The following PCBP3 variants were observed in gnomAD, a reference collection of about 807,000 sequenced individuals.
PCBP3 encodes the protein poly(rC) binding protein 3.
In PCBP3, 25 loss-of-function variants were observed where a neutral mutation model predicts 52.7. That is an observed-to-expected ratio of 0.47 (90% CI 0.35 to 0.66). The LOEUF (loss-of-function observed/expected upper bound fraction) is 0.66, where lower values mean the gene tolerates loss of function less well. Ranked by LOEUF, PCBP3 falls within the 30% of genes least tolerant of loss-of-function variation. PCBP3 has a pLI of 0.01. For missense variants in PCBP3, 391 were observed against 490.3 expected (o/e 0.80, Z 1.91); for synonymous variants, 162 against 183.0 (o/e 0.89, Z 0.93).
intron 16 of PCBP3, 118 bp downstream of exon 16, chr21:45,935,423 C>A: frequency 1.4e-6 from 1 of 738,762 alleles, no homozygotes; most frequent in South Asian, 1.5e-5. Flanking sequence ...TTCACCACCC[C>A]AACCCCACTG....
At chr21:45,792,074 A>T (rs2091625413) in intron 4 of PCBP3, among the ~76,000 whole-genome samples, 1 of 152,280 alleles carries the variant, frequency 6.6e-6, no homozygotes, top group South Asian at 2.1e-4. Flanking sequence ...CACCTGGCCC[A>T]GGCCACTGCA....
chr21:45,725,348 G>A (rs545551795), intron 2 of PCBP3, among the ~76,000 whole-genome samples: 1 of 152,192 alleles, frequency 6.6e-6, no homozygotes, highest in African/African-American at 2.4e-5. Flanking sequence ...GTAGGTACAG[G>A]GTTTTCCCTT....
At chr21:45,738,294 G>A (rs1226805187) in intron 3 of PCBP3, among the ~76,000 whole-genome samples, 1 of 140,598 alleles carries the variant, frequency 7.1e-6, no homozygotes, top group African/African-American at 2.7e-5. Flanking sequence ...TAGCTCTGTC[G>A]CCCAGGCTGG....
chr21:45,690,528 A>C (rs1331022325), intron 2 of PCBP3, among the ~76,000 whole-genome samples: 1 of 152,190 alleles, frequency 6.6e-6, no homozygotes, highest in Non-Finnish European at 1.5e-5. Context: ...CATTTACAAA[A>C]TGAAAAGGCA....
At chr21:45,777,962 G>A (rs1352779214) in intron 4 of PCBP3, among the ~76,000 whole-genome samples, 7 of 145,074 alleles carry the variant, frequency 4.8e-5, no homozygotes, top group African/African-American at 1.7e-4. Context: ...TGTTCCTTTG[G>A]GGAGGGCCTT....
chr21:45,658,702 T>C (rs556450584), intron 1 of PCBP3, among the ~76,000 whole-genome samples: 1 of 152,326 alleles, frequency 6.6e-6, no homozygotes, highest in East Asian at 1.9e-4. Flanking sequence ...ATACTGGCCT[T>C]ATAGAATGAG....
intron 2 of PCBP3, among the ~76,000 whole-genome samples, chr21:45,722,724 G>A (rs971033892): frequency 6.6e-5 from 10 of 152,090 alleles, no homozygotes; most frequent in Middle Eastern, 3.4e-3. Context: ...AAATGTAGCC[G>A]GGCACAGTGG....
chr21:45,923,063 ACT>A (rs1781371220), intron 13 of PCBP3, among the ~76,000 whole-genome samples: 1 of 152,052 alleles, frequency 6.6e-6, no homozygotes, highest in Non-Finnish European at 1.5e-5. Flanking sequence ...AATCCCCGGG[ACT>A]CTGTCGGTGC....
chr21:45,684,977 C>CA (rs968946890), intron 2 of PCBP3, among the ~76,000 whole-genome samples: 80 of 152,302 alleles, frequency 5.3e-4, no homozygotes, highest in African/African-American at 1.7e-3. Flanking sequence ...TGCCCCCTGC[C>CA]ACTCTGCTAC....
At chr21:45,773,069 C>G (rs1458930026) in intron 4 of PCBP3, among the ~76,000 whole-genome samples, 2 of 152,082 alleles carry the variant, frequency 1.3e-5, no homozygotes, top group Non-Finnish European at 2.9e-5. Flanking sequence ...TGTGCAGAAG[C>G]TTTTTAATTT....
At chr21:45,860,608 G>A (rs1418255977) in intron 5 of PCBP3, among the ~76,000 whole-genome samples, 2 of 152,200 alleles carry the variant, frequency 1.3e-5, no homozygotes, top group African/African-American at 4.8e-5. Flanking sequence ...AAAACCCATC[G>A]CCCTGGAGGG....
At chr21:45,803,439 C>T (rs1374517535) in intron 4 of PCBP3, among the ~76,000 whole-genome samples, 1 of 152,136 alleles carries the variant, frequency 6.6e-6, no homozygotes, top group South Asian at 2.1e-4. Context: ...GAAAGGAGGG[C>T]GAGAGCAGAG....
At chr21:45,662,973 C>G (rs563859786) in intron 1 of PCBP3, among the ~76,000 whole-genome samples, 1 of 152,284 alleles carries the variant, frequency 6.6e-6, no homozygotes, top group African/African-American at 2.4e-5. Flanking sequence ...GGCCTGACAT[C>G]AGTCAGGCCT....
At chr21:45,671,404 CTG>C (rs2147288533) in intron 2 of PCBP3, among the ~76,000 whole-genome samples, 1 of 152,312 alleles carries the variant, frequency 6.6e-6, no homozygotes, top group Non-Finnish European at 1.5e-5. Context: ...AGGTTGTCTG[CTG>C]TTCACACTGT....
In PCBP3 at chr21:45,837,801, G is replaced by A. The variant is rs1323002100; in HGVS notation, c.-125-12160G>A. On this transcript the variant is annotated intron_variant, in intron 4 of 17. Coordinates refer to ENST00000681687, the MANE Select transcript of PCBP3 (RefSeq NM_001384156.1). This position sits in a 1 kb window ranked among gnomAD's most constrained non-coding sequence, Gnocchi z 4.1. ...CCGCTCCTTCACTGGTGCTGAGACT[G>A]AGGATTGAGCTTAGGGGGTCAGCCT... Among the ~76,000 whole-genome samples the A allele has an allele frequency of 6.6e-6, 1 of 152,236 alleles. No individual in the cohort carries two copies. Among genetic ancestry groups the A allele is most frequent in the Non-Finnish European group, 1.5e-5 (1 of 68,036 alleles).
intron 4 of PCBP3, among the ~76,000 whole-genome samples, chr21:45,840,373 T>C (rs1016706813): frequency 4.7e-5 from 7 of 147,906 alleles, no homozygotes; most frequent in African/African-American, 1.8e-4. Flanking sequence ...AGGAGAATGG[T>C]GTGAACCCGG....
chr21:45,889,716 C>T (rs1354177173), intron 5 of PCBP3, among the ~76,000 whole-genome samples: 2 of 152,200 alleles, frequency 1.3e-5, no homozygotes, highest in East Asian at 1.9e-4. Context: ...CAGTACATTG[C>T]GGTGGCTACA....
At chr21:45,861,836 T>C (rs969079352) in intron 5 of PCBP3, among the ~76,000 whole-genome samples, 2 of 152,194 alleles carry the variant, frequency 1.3e-5, no homozygotes, top group Non-Finnish European at 2.9e-5. Context: ...GGTCATGGTT[T>C]TAGTCCGTTT....
At chr21:45,892,894 G>A (rs191879609) in intron 5 of PCBP3, among the ~76,000 whole-genome samples, 6 of 152,266 alleles carry the variant, frequency 3.9e-5, no homozygotes, top group East Asian at 1.9e-4. Context: ...ATGGCTGTGC[G>A]TCAGGGCCAC....
Sources: allele counts gnomAD v4.1 joint callset (sites outside exome capture counted in the v4.1 genomes callset), GRCh38; gene constraint gnomAD v4.1.1; non-coding constraint Gnocchi (gnomAD v3.1); transcripts MANE v1.5; gene names NCBI Gene and HGNC (gene_info 2026-07-23, HGNC 2026-07-21).